PCCA: variants seen among roughly 807,000 people sequenced by gnomAD.
PCCA encodes the protein propionyl-CoA carboxylase subunit alpha, also known as propionyl-CoA carboxylase alpha chain, mitochondrial.
A neutral mutation model predicts 101.3 loss-of-function variants in PCCA; 74 were observed. The ratio of observed to expected loss-of-function variants is 0.73; its 90% CI spans 0.61 to 0.89. The LOEUF (loss-of-function observed/expected upper bound fraction) is 0.89, where lower values mean the gene tolerates loss of function less well. PCCA is among the 40% of genes least tolerant of loss of function. The pLI is 0.00. For missense variants in PCCA, 891 were observed against 907.0 expected (o/e 0.98, Z 0.23); for synonymous variants, 294 against 313.6 (o/e 0.94, Z 0.66).
chr13:100,518,431 C>G (rs1032466362), intron 22 of PCCA, among the ~76,000 whole-genome samples: 1 of 152,200 alleles, frequency 6.6e-6, no homozygotes, highest in Non-Finnish European at 1.5e-5. Context: ...TGCACTGATT[C>G]ATTTGAAACA....
intron 20 of PCCA, among the ~76,000 whole-genome samples, chr13:100,432,658 T>A (rs1353030081): frequency 2.6e-5 from 4 of 152,172 alleles, no homozygotes; most frequent in African/African-American, 2.4e-5. Flanking sequence ...AGAATATTAA[T>A]GTGTCCTCAT....
intron 18 of PCCA, among the ~76,000 whole-genome samples, chr13:100,351,495 C>A (rs1304124054): frequency 6.6e-6 from 1 of 151,810 alleles, no homozygotes; most frequent in Non-Finnish European, 1.5e-5. Context: ...GCTTTTTTCT[C>A]TGTTTGTATA....
At chr13:100,523,746 A>G (rs1024590735) in intron 22 of PCCA, among the ~76,000 whole-genome samples, 11 of 152,218 alleles carry the variant, frequency 7.2e-5, no homozygotes, top group African/African-American at 2.4e-4. Flanking sequence ...CTTTACACCA[A>G]TTAGACAGGG....
At chr13:100,387,274 G>A (rs1488646566) in intron 19 of PCCA, among the ~76,000 whole-genome samples, 1 of 152,166 alleles carries the variant, frequency 6.6e-6, no homozygotes, top group East Asian at 1.9e-4. Context: ...AGCTGAGTCC[G>A]AACAGTTCCT....
intron 7 of PCCA, among the ~76,000 whole-genome samples, chr13:100,209,734 C>T (rs1389469520): frequency 6.6e-5 from 10 of 151,220 alleles, no homozygotes; most frequent in African/African-American, 1.2e-4. Flanking sequence ...TGGGTTCAAG[C>T]GATTCTCCTG....
At chr13:100,132,326 C>CCCTCAGACTCCCTTGTGAGT (rs1333394259) in intron 4 of PCCA, among the ~76,000 whole-genome samples, 1 of 6,478 alleles carries the variant, frequency 1.5e-4, no homozygotes, top group African/African-American at 4.5e-4. Context: ...CTTGTGTATC[C>CCCTCAGACTCCCTTGTGAGT]CATTAGTGTC....
chr13:100,508,858 C>CT (rs1359351837), intron 21 of PCCA, among the ~76,000 whole-genome samples: 37 of 152,214 alleles, frequency 2.4e-4, no homozygotes, highest in African/African-American at 8.4e-4. Context: ...GGTTTCCATC[C>CT]TGAGAGTCCT....
Position 100,196,262 on chromosome 13 carries a change from A to G in PCCA, c.469-13070A>G, listed in dbSNP as rs147831229. Among the ~76,000 whole-genome samples, 139 of 152,310 alleles carry G rather than the reference A, an allele frequency of 9.1e-4. 1 individual carries two copies. The highest frequency in any genetic ancestry group is 3.3e-3 in the African/African-American group (137 of 41,568). On this transcript the variant is annotated intron_variant, in intron 6 of 23. Transcript: ENST00000376285. ...AAACCCGAAACATTTAATAAAAGAA[A>G]TTGAACAATTTTTTGACTTAATGTT...
At chr13:100,502,182 C>T (rs1459273041) in intron 21 of PCCA, among the ~76,000 whole-genome samples, 1 of 152,154 alleles carries the variant, frequency 6.6e-6, no homozygotes, top group African/African-American at 2.4e-5. Context: ...ACATCAGTAT[C>T]TTGTGAGCTT....
intron 6 of PCCA, among the ~76,000 whole-genome samples, chr13:100,198,914 ATT>A (rs55731223): frequency 0.61 from 88,239 of 143,836 alleles, 27,126 homozygotes; most frequent in East Asian, 0.77. Context: ...GTACTTTACA[ATT>A]TTTTTTTTTT....
chr13:100,506,493 T>C (rs1282098794), intron 21 of PCCA, among the ~76,000 whole-genome samples: 2 of 152,226 alleles, frequency 1.3e-5, no homozygotes, highest in African/African-American at 4.8e-5. Flanking sequence ...TCTGCCTTTC[T>C]GTATTTTAGT....
chr13:100,179,627 C>G (rs1330064499), intron 6 of PCCA, among the ~76,000 whole-genome samples: 3 of 152,294 alleles, frequency 2.0e-5, no homozygotes, highest in Middle Eastern at 3.4e-3. Flanking sequence ...TCATGTGATC[C>G]TGTCATCTAT....
intron 6 of PCCA, among the ~76,000 whole-genome samples, chr13:100,172,454 C>T (rs1270989004): frequency 6.6e-6 from 1 of 151,932 alleles, no homozygotes; most frequent in Admixed American, 6.6e-5. Context: ...GTCTTTTAGA[C>T]ATATTTGTTA....
At chr13:100,526,869 C>T (rs1248013279) in intron 22 of PCCA, among the ~76,000 whole-genome samples, 1 of 152,282 alleles carries the variant, frequency 6.6e-6, no homozygotes, top group Non-Finnish European at 1.5e-5. Flanking sequence ...AAGGCAAGTT[C>T]TGAACGCAGT....
chr13:100,149,735 C>G lies in PCCA; in HGVS notation c.301-5244C>G, dbSNP rs183958984. The stretch of plus-strand genomic sequence containing the variant: ...ATAGTGTCCACTTCATTACAGATCT[C>G]CTTGAGTGATAGGTTTCAAAATATC... On this transcript the variant is annotated intron_variant, in intron 4 of 23. Coordinates refer to ENST00000376285, the MANE Select transcript of PCCA (RefSeq NM_000282.4). 3 of 152,292 alleles carry G rather than the reference C, an allele frequency of 2.0e-5. No homozygotes were observed. In the East Asian group the frequency reaches 5.8e-4, roughly 29 times the overall value. The allele number at this position is 152,292 out of a possible 1,614,324, so 9.4% of individuals were successfully genotyped here.
chr13:100,311,495 C>T (rs1020780593), intron 16 of PCCA, among the ~76,000 whole-genome samples: 4 of 152,106 alleles, frequency 2.6e-5, no homozygotes, highest in East Asian at 1.9e-4. Flanking sequence ...CAAGGCCAGG[C>T]GTGGTGGCTC....
At chr13:100,104,259 G>C (rs550856580) in intron 2 of PCCA, among the ~76,000 whole-genome samples, 2 of 152,266 alleles carry the variant, frequency 1.3e-5, no homozygotes, top group South Asian at 4.2e-4. Context: ...TGAATCTGGA[G>C]GCCTGGAGGA....
chr13:100,274,784 C>A (rs1332716492), intron 12 of PCCA, among the ~76,000 whole-genome samples: 2 of 152,082 alleles, frequency 1.3e-5, no homozygotes, highest in Admixed American at 1.3e-4. Context: ...ATTTCCTCTG[C>A]CAAGATCCTG....
chr13:100,287,439 T>C (rs1489965104), intron 12 of PCCA, among the ~76,000 whole-genome samples: 1 of 152,144 alleles, frequency 6.6e-6, no homozygotes, highest in Non-Finnish European at 1.5e-5. Flanking sequence ...ATATGTTCTT[T>C]TTTTCCCTTC....
Sources: allele counts gnomAD v4.1 joint callset (sites outside exome capture counted in the v4.1 genomes callset), GRCh38; gene constraint gnomAD v4.1.1; transcripts MANE v1.5; gene names NCBI Gene and HGNC (gene_info 2026-07-23, HGNC 2026-07-21).